Variants in RNPEPL1 observed in about 807,000 individuals in gnomAD.
The protein encoded by RNPEPL1 is arginyl aminopeptidase like 1.
Under a neutral mutation model 69.0 loss-of-function variants are expected in RNPEPL1, and 46 were observed. The observed-to-expected ratio is 0.67, with a 90% confidence interval of 0.53 to 0.85. RNPEPL1 has a LOEUF of 0.85. Among genes scored for constraint, RNPEPL1 ranks in the 40% least tolerant of loss-of-function variants. RNPEPL1 has a pLI of 0.00. For missense variants in RNPEPL1, 869 were observed against 992.5 expected (o/e 0.88, Z 1.67); for synonymous variants, 525 against 454.1 (o/e 1.16, Z -1.98).
chr2:240,577,064 A>G (rs1340663236), intron 10 of RNPEPL1, 74 bp downstream of exon 10: 1 of 1,571,732 alleles, frequency 6.4e-7, no homozygotes, highest in East Asian at 2.2e-5. Flanking sequence ...CCGACTCCCT[A>G]GTCTGAGCCC....
chr2:240,569,298 T>G, intron 1 of RNPEPL1, 184 bp downstream of exon 1: 1 of 614,238 alleles, frequency 1.6e-6, no homozygotes. Flanking sequence ...GCCGGAGTCC[T>G]GCGGGGACAC....
Position 240,576,680 on chromosome 2 carries a change from C to T in RNPEPL1, c.1656C>T (p.Ala552=). The change falls in exon 9 of 11, where the codon GCC becomes GCT. Residue 552 remains alanine (A), a synonymous_variant. Transcript: ENST00000270357. ...CTCTGGACCAGGCAGCTGCCTCGGC[C>T]AGCGCCATTGACATCTCCAAGTGGA... The part of the protein sequence containing the change: ...AEPLDQAAAS[A]SAIDISKWRT... The T allele has an allele frequency of 6.2e-7, 1 of 1,613,022 alleles. No individual in the cohort carries two copies. Among genetic ancestry groups the T allele is most frequent in the Non-Finnish European group, 8.5e-7 (1 of 1,179,970 alleles).
rs181277895 is a variant in RNPEPL1, at chr2:240,574,272, C to T, written c.1098C>T (p.Asn366=). The T allele has an allele frequency of 4.2e-5, 67 of 1,611,992 alleles. No individual in the cohort carries two copies. The Admixed American group carries it at 4.7e-4, about 11-fold the overall frequency. The stretch of plus-strand genomic sequence containing the variant: ...GTTGGTTCGGCAACGCTGTCACCAA[C>T]GCCACGTGGGAAGAGATGTGGCTGA... ...AHSWFGNAVT[N]ATWEEMWLSE... is the part of the protein sequence containing the mutation. Residue 366 remains asparagine, a synonymous_variant, in exon 5 of 11, where the codon AAC becomes AAT. Coordinates refer to ENST00000270357, the MANE Select transcript of RNPEPL1 (RefSeq NM_018226.6).
intron 6 of RNPEPL1, 70 bp from the exon 7 acceptor site, chr2:240,574,960 A>T: frequency 8.4e-7 from 1 of 1,185,086 alleles, no homozygotes; most frequent in Non-Finnish European, 1.3e-6. Context: ...GAGCCTGACC[A>T]CTGCCCCTCC....
chr2:240,577,086 C>A, intron 10 of RNPEPL1, 96 bp downstream of exon 10: 1 of 1,490,356 alleles, frequency 6.7e-7, no homozygotes, highest in South Asian at 1.2e-5. Flanking sequence ...TGGGGCAGGC[C>A]AGGCACATTC....
chr2:240,576,262 A>G (rs1349187838), intron 8 of RNPEPL1: 2 of 542,204 alleles, frequency 3.7e-6, no homozygotes, highest in Admixed American at 3.4e-5. Context: ...AGACTACTTC[A>G]TTGTCTTCCA....
intron 2 of RNPEPL1, 81 bp downstream of exon 2, chr2:240,572,644 C>G: frequency 6.7e-7 from 1 of 1,487,862 alleles, no homozygotes; most frequent in South Asian, 1.3e-5. Flanking sequence ...TTGCTCCTAC[C>G]TGCCTGGGCT....
chr2:240,576,791 G>A (rs375659157), intron 9 of RNPEPL1, 26 bp downstream of exon 9: 52 of 1,612,482 alleles, frequency 3.2e-5, no homozygotes, highest in East Asian at 4.5e-5. Context: ...TGATGGGGGC[G>A]GCCCAGGGGC....
intron 1 of RNPEPL1, chr2:240,569,322 A>C: frequency 3.9e-6 from 2 of 511,262 alleles, no homozygotes; most frequent in Middle Eastern, 5.5e-4. Context: ...ACAGCATGTC[A>C]CTCCGGGAAG....
Position 240,568,948 on chromosome 2 carries a change from C to T in RNPEPL1, c.362C>T (p.Ala121Val), listed in dbSNP as rs2093012990. 7.2e-7 allele frequency: 1 copy of T among 1,393,734 alleles called. No homozygotes were observed. Among genetic ancestry groups the T allele is most frequent in the African/African-American group, 1.5e-5 (1 of 66,670 alleles). 86.3% of individuals were successfully genotyped at this position (1,393,734 alleles called of 1,614,324 possible). The change falls in exon 1 of 11, where the codon GCC becomes GTC. Residue 121 changes from alanine (A) to valine (V), a missense_variant. Coordinates refer to ENST00000270357, the MANE Select transcript of RNPEPL1 (RefSeq NM_018226.6). This position sits in a 1 kb window ranked among gnomAD's most constrained non-coding sequence, Gnocchi z 6.2. ...PGPAPPPPLP[A>V]FPEAPGSEPA... ...CCCGCGCCGCCGCCCCCGCTGCCCG[C>T]CTTCCCCGAGGCGCCCGGCTCCGAG...
rs1197471298 is a variant in RNPEPL1, at chr2:240,575,390, C to T, written c.1402-112C>T. 1.8e-5 allele frequency: 17 copies of T among 947,700 alleles called. No homozygotes were observed. The Admixed American group carries it at 2.8e-4, about 15-fold the overall frequency. The allele number at this position is 947,700 out of a possible 1,614,324, so 58.7% of individuals were successfully genotyped here. A position where few individuals can be genotyped will look rare whatever the true frequency, so the allele number is the denominator to read the frequency against. The stretch of plus-strand genomic sequence containing the variant: ...GCTCCGCAGTGCCCACTAGCTGCCC[C>T]TGTGCCCAGCACGTACCTTGGCGCA... On this transcript the variant is annotated intron_variant, in intron 7 of 10. Transcript: ENST00000270357.
intron 8 of RNPEPL1, 22 bp from the exon 9 acceptor site, chr2:240,576,513 C>T: frequency 6.3e-7 from 1 of 1,594,294 alleles, no homozygotes; most frequent in Non-Finnish European, 8.5e-7. Flanking sequence ...GCAGGGACCC[C>T]AGGGTCACTT....
intron 1 of RNPEPL1, among the ~76,000 whole-genome samples, chr2:240,569,527 G>A (rs529951523): frequency 6.6e-6 from 1 of 152,346 alleles, no homozygotes; most frequent in South Asian, 2.1e-4. Context: ...TGTGATGCTC[G>A]GTTTGGGGCT....
rs767153655 is a variant in RNPEPL1 at position 240,576,776 on chromosome 2, G to A, written c.1741+11G>A. ...CCCCGCTGCCGCAGGGTGAGTCCCT[G>A]CAGCTGATGGGGGCGGCCCAGGGGC... is the stretch of plus-strand genomic sequence containing the variant. On this transcript the variant is annotated intron_variant, in intron 9 of 10. Transcript: ENST00000270357. 1.2e-5 allele frequency: 20 copies of A among 1,612,542 alleles called. No homozygotes were observed. The highest frequency in any genetic ancestry group is 5.3e-5 in the African/African-American group (4 of 74,934).
rs566892811 is a variant in RNPEPL1, at chr2:240,579,985, G to C, written c.*2093G>C. 1 of 152,386 alleles carries C rather than the reference G, an allele frequency of 6.6e-6. No homozygotes were observed. The highest frequency in any genetic ancestry group is 6.5e-5 in the Admixed American group (1 of 15,298). 9.4% of individuals were successfully genotyped at this position (152,386 alleles called of 1,614,324 possible). On this transcript the variant is annotated 3_prime_UTR_variant, in exon 11 of 11. Transcript: ENST00000270357. ...GCACCTGTGCCTGACACCTGGCTTT[G>C]GGAAACTCAGCAGCAGTGCCCAGCG...
In RNPEPL1 at chr2:240,568,895, C is replaced by T. The variant is rs1161969294; in HGVS notation, c.309C>T (p.Ala103=). ...APAAAAETPC[A]FAFSAPGPGP... Reference sequence around the variant, plus strand: ...CCGCCGCCGCCGAGACGCCCTGCGCCTTCGCCTTCTCCGCCCCCGGGCCGG... The same window carrying T: ...CCGCCGCCGCCGAGACGCCCTGCGCTTTCGCCTTCTCCGCCCCCGGGCCGG... Residue 103 remains alanine, a synonymous_variant, in exon 1 of 11, where the codon GCC becomes GCT. Coordinates refer to ENST00000270357, the MANE Select transcript of RNPEPL1 (RefSeq NM_018226.6). The surrounding 1 kb of genome is among the most constrained non-coding windows in gnomAD (Gnocchi z 6.2). The T allele has an allele frequency of 5.5e-6, 7 of 1,275,174 alleles. No homozygotes were observed. Among genetic ancestry groups the T allele is most frequent in the Non-Finnish European group, 6.9e-6 (7 of 1,013,808 alleles). 79.0% of individuals were successfully genotyped at this position (1,275,174 alleles called of 1,614,324 possible). A position where few individuals can be genotyped will look rare whatever the true frequency, so the allele number is the denominator to read the frequency against.
chr2:240,571,028 G>A lies in RNPEPL1; in HGVS notation c.529-1395G>A, dbSNP rs191040889. Among the ~76,000 whole-genome samples the A allele has an allele frequency of 5.3e-4, 81 of 152,278 alleles. No individual in the cohort carries two copies. The East Asian group carries it at 7.0e-3, about 13-fold the overall frequency. Reference sequence around the variant, plus strand: ...GGAGAGGAGTAGTTGTGAGGGGGCCGTGCAGGCTGAAGGGTTGGGGAGACT... The same window carrying A: ...GGAGAGGAGTAGTTGTGAGGGGGCCATGCAGGCTGAAGGGTTGGGGAGACT... On this transcript the variant is annotated intron_variant, in intron 1 of 10. Transcript: ENST00000270357.
At chr2:240,576,303 C>T (rs2093037556) in intron 8 of RNPEPL1, 2 of 586,376 alleles carry the variant, frequency 3.4e-6, no homozygotes, top group Non-Finnish European at 6.1e-6. Context: ...GGTGCGAGTC[C>T]CTTGGTCACC....
chr2:240,575,228 G>T, intron 7 of RNPEPL1, 86 bp downstream of exon 7: 1 of 1,112,206 alleles, frequency 9.0e-7, no homozygotes, highest in Non-Finnish European at 1.4e-6. Flanking sequence ...TCTTGCGGCA[G>T]TTGGGGTGGA....
Sources: gnomAD v4.1 joint callset for allele counts (sites outside exome capture counted in the v4.1 genomes callset) on GRCh38, gnomAD v4.1.1 for gene constraint, Gnocchi (gnomAD v3.1) non-coding constraint, MANE v1.5 for transcripts, NCBI Gene and HGNC (gene_info 2026-07-23, HGNC 2026-07-21) for gene names.